Variants in RAPGEF2 observed in about 807,000 individuals in gnomAD.
RAPGEF2 encodes PDZ domain containing guanine nucleotide exchange factor (GEF) 1.
In RAPGEF2, 54 loss-of-function variants were observed where a neutral mutation model predicts 186.7. That is an observed-to-expected ratio of 0.29 (90% CI 0.23 to 0.36). The LOEUF (loss-of-function observed/expected upper bound fraction) is 0.36, where lower values mean the gene tolerates loss of function less well. Among genes scored for constraint, RAPGEF2 ranks in the 10% least tolerant of loss-of-function variants. The pLI, the probability that RAPGEF2 is intolerant of heterozygous loss-of-function variation, is 1.00. For missense variants in RAPGEF2, 1,532 were observed against 2,045.0 expected (o/e 0.75, Z 4.84); for synonymous variants, 712 against 705.9 (o/e 1.01, Z -0.14).
rs748556145 is a variant in RAPGEF2, at chr4:159,353,786, A to T, written c.4391A>T (p.His1464Leu). 19 of 1,614,118 alleles carry T rather than the reference A, an allele frequency of 1.2e-5. No individual in the cohort carries two copies. The South Asian group carries it at 2.1e-4, about 18-fold the overall frequency. The change falls in exon 28 of 30, where the codon CAT becomes CTT. Residue 1464 changes from histidine (H) to leucine (L), a missense_variant. This residue lies in a region of RAPGEF2 where 594 missense variants were observed against 608.5 expected (regional missense o/e 0.98). Transcript: ENST00000691494. This position sits in a 1 kb window ranked among gnomAD's most constrained non-coding sequence, Gnocchi z 4.3. The part of the protein sequence containing the change: ...SHMDQIMFSD[H>L]STKYNRQNQS... The stretch of plus-strand genomic sequence containing the variant: ...ATGGACCAAATTATGTTTTCTGATC[A>T]TAGCACAAAGTATAACAGGCAAAAT...
intron 1 of RAPGEF2, among the ~76,000 whole-genome samples, chr4:159,123,050 C>T (rs533709480): frequency 2.6e-5 from 4 of 152,088 alleles, no homozygotes; most frequent in Non-Finnish European, 5.9e-5. Flanking sequence ...ATGACATTTT[C>T]CTTTCTTTAG....
At chr4:159,256,218 C>T (rs1258533931) in intron 7 of RAPGEF2, among the ~76,000 whole-genome samples, 2 of 152,182 alleles carry the variant, frequency 1.3e-5, no homozygotes, top group Non-Finnish European at 2.9e-5. Flanking sequence ...TCCTGATGTT[C>T]TTCCCAGTAT....
intron 4 of RAPGEF2, among the ~76,000 whole-genome samples, chr4:159,221,691 T>TTCTA (rs1169043903): frequency 6.6e-6 from 1 of 152,250 alleles, no homozygotes; most frequent in Non-Finnish European, 1.5e-5. Flanking sequence ...TATGCTTACA[T>TTCTA]TCTACATTGG....
intron 1 of RAPGEF2, among the ~76,000 whole-genome samples, chr4:159,141,925 C>A (rs917576785): frequency 6.6e-6 from 1 of 152,014 alleles, no homozygotes; most frequent in African/African-American, 2.4e-5. Context: ...ATCCAGAAAA[C>A]CTCACCCATC....
chr4:159,353,707 A>T lies in RAPGEF2; in HGVS notation c.4312A>T (p.Thr1438Ser). The change falls in exon 28 of 30, where the codon ACT becomes TCT. Residue 1438 changes from threonine (T) to serine (S), a missense_variant. Coordinates refer to ENST00000691494, the MANE Select transcript of RAPGEF2 (RefSeq NM_001394067.2). The surrounding 1 kb of genome is among the most constrained non-coding windows in gnomAD (Gnocchi z 4.3). Reference protein sequence around the residue: ...RSWETLPFGHTHFDYSGDPAG... With the variant: ...RSWETLPFGHSHFDYSGDPAG... ...CTGGGAGACTCTTCCATTCGGGCAT[A>T]CTCACTTTGATTATTCAGGGGATCC... 3 of 1,602,998 alleles carry T rather than the reference A, an allele frequency of 1.9e-6. No individual in the cohort carries two copies. In the South Asian group the frequency reaches 3.4e-5, roughly 18 times the overall value.
chr4:159,254,623 A>G (rs866395167), intron 7 of RAPGEF2, among the ~76,000 whole-genome samples: 3 of 91,656 alleles, frequency 3.3e-5, no homozygotes, highest in Non-Finnish European at 2.2e-5. Context: ...TTTTTTTTTT[A>G]AATGAGACAG....
At chr4:159,141,704 G>A (rs11940262) in intron 1 of RAPGEF2, among the ~76,000 whole-genome samples, 52,974 of 151,902 alleles carry the variant, frequency 0.35, 9,351 homozygotes, top group South Asian at 0.37. Flanking sequence ...TGCCAGCGAT[G>A]GATTTTCATT....
rs1732519308 is a variant in RAPGEF2, at chr4:159,359,715, A to G, written c.*1576A>G. 1 of 152,130 alleles carries G rather than the reference A, an allele frequency of 6.6e-6. No individual in the cohort carries two copies. The highest frequency in any genetic ancestry group is 1.5e-5 in the Non-Finnish European group (1 of 68,026). 9.4% of individuals were successfully genotyped at this position (152,130 alleles called of 1,614,324 possible). ...TAATAATTCTCTTCTGTATCATGGCATTTGTCTACTTGCTTATTACATTGT... is the reference window on the plus strand; with the variant it reads ...TAATAATTCTCTTCTGTATCATGGCGTTTGTCTACTTGCTTATTACATTGT... On this transcript the variant is annotated 3_prime_UTR_variant, in exon 30 of 30. Coordinates refer to ENST00000691494, the MANE Select transcript of RAPGEF2 (RefSeq NM_001394067.2).
chr4:159,263,463 G>T (rs1757101509), intron 7 of RAPGEF2, among the ~76,000 whole-genome samples: 1 of 152,170 alleles, frequency 6.6e-6, no homozygotes, highest in Admixed American at 6.5e-5. Context: ...ATCAAAGAAT[G>T]ACTTCTTTCT....
intron 3 of RAPGEF2, among the ~76,000 whole-genome samples, chr4:159,198,285 T>C (rs974968685): frequency 5.5e-5 from 1 of 18,136 alleles, no homozygotes; most frequent in African/African-American, 2.6e-4. Flanking sequence ...TTTCTTTCTT[T>C]CTTTCTTTCT....
intron 22 of RAPGEF2, 74 bp downstream of exon 22, chr4:159,343,478 T>G: frequency 1.3e-6 from 2 of 1,565,652 alleles, no homozygotes; most frequent in African/African-American, 1.4e-5. Flanking sequence ...TAAATGATTT[T>G]TTTAAAGTTT....
chr4:159,194,407 A>G (rs1196050790), intron 3 of RAPGEF2, among the ~76,000 whole-genome samples: 4 of 152,068 alleles, frequency 2.6e-5, no homozygotes, highest in Non-Finnish European at 5.9e-5. Context: ...GTTATGGAAA[A>G]TTTCAGACAC....
At chr4:159,274,972 A>T (rs757360333) in intron 7 of RAPGEF2, among the ~76,000 whole-genome samples, 1 of 151,354 alleles carries the variant, frequency 6.6e-6, no homozygotes, top group African/African-American at 2.4e-5. Context: ...AGAATTAATC[A>T]CTTGTCACTC....
intron 1 of RAPGEF2, among the ~76,000 whole-genome samples, chr4:159,105,911 G>A (rs1254212199): frequency 1.3e-5 from 2 of 152,220 alleles, no homozygotes; most frequent in Non-Finnish European, 1.5e-5. Context: ...AGAGAAGGGG[G>A]AAGTGGTGCA....
intron 11 of RAPGEF2, chr4:159,328,256 AT>A (rs577045907): frequency 1.3e-5 from 2 of 152,166 alleles, no homozygotes; most frequent in Non-Finnish European, 2.9e-5. Flanking sequence ...ATTTTGAAAC[AT>A]TACACACCTG....
intron 3 of RAPGEF2, among the ~76,000 whole-genome samples, chr4:159,201,973 T>C (rs1749463443): frequency 1.3e-5 from 2 of 152,220 alleles, no homozygotes; most frequent in African/African-American, 2.4e-5. Context: ...GTCTTTTGAA[T>C]GTGATACTGT....
intron 3 of RAPGEF2, among the ~76,000 whole-genome samples, chr4:159,197,010 A>G (rs966629090): frequency 1.9e-4 from 29 of 152,224 alleles, no homozygotes; most frequent in African/African-American, 6.8e-4. Flanking sequence ...CCTATCAGGT[A>G]ATTTCTGCCT....
intron 7 of RAPGEF2, among the ~76,000 whole-genome samples, chr4:159,271,769 T>A (rs1758163117): frequency 6.6e-6 from 1 of 152,202 alleles, no homozygotes; most frequent in Non-Finnish European, 1.5e-5. Flanking sequence ...CCTGCAGCTA[T>A]CTTTTTCCTG....
chr4:159,347,050 G>A (rs567047214), intron 25 of RAPGEF2, 52 bp downstream of exon 25: 17 of 1,483,130 alleles, frequency 1.1e-5, no homozygotes, highest in Admixed American at 1.9e-5. Flanking sequence ...GTCATGGTTT[G>A]CAAATTAGGA....
Sources: allele counts gnomAD v4.1 joint callset (sites outside exome capture counted in the v4.1 genomes callset), GRCh38; gene constraint gnomAD v4.1.1; regional missense constraint gnomAD v4.1.1; non-coding constraint Gnocchi (gnomAD v3.1); transcripts MANE v1.5; gene names NCBI Gene and HGNC (gene_info 2026-07-23, HGNC 2026-07-21).